The following ADORA2B variants were observed in gnomAD, a reference collection of about 807,000 sequenced individuals.
ADORA2B encodes the protein adenosine A2b receptor.
ADORA2B carries 18 observed loss-of-function variants against 20.8 expected under a neutral mutation model. That is an observed-to-expected ratio of 0.87 (90% CI 0.60 to 1.29). The LOEUF (loss-of-function observed/expected upper bound fraction) is 1.29. Among genes scored for constraint, ADORA2B ranks in the 50% most tolerant of loss-of-function variants. The pLI, the probability that ADORA2B is intolerant of heterozygous loss-of-function variation, is 0.00. For missense variants in ADORA2B, 441 were observed against 422.7 expected (o/e 1.04, Z -0.38); for synonymous variants, 179 against 178.3 (o/e 1.00, Z -0.03).
chr17:15,862,913 C>T, the ADORA2B span, among the ~76,000 whole-genome samples: 2 of 150,862 alleles, frequency 1.3e-5, no homozygotes, highest in Admixed American at 6.6e-5. Context: ...CTTTTTAATA[C>T]ATATTATCAT....
At chr17:15,961,251 G>A (rs1310692017) in intron 1 of ADORA2B, among the ~76,000 whole-genome samples, 2 of 151,528 alleles carry the variant, frequency 1.3e-5, no homozygotes, top group African/African-American at 4.9e-5. Context: ...ACTTCAGCCT[G>A]GGCAACAGAG....
the ADORA2B span, among the ~76,000 whole-genome samples, chr17:15,896,176 T>C: frequency 3.9e-5 from 6 of 152,176 alleles, no homozygotes; most frequent in African/African-American, 1.4e-4. Flanking sequence ...GGGCTTATAG[T>C]ACACAATAGC....
chr17:15,856,417 C>T, the ADORA2B span, among the ~76,000 whole-genome samples: 67 of 152,166 alleles, frequency 4.4e-4, no homozygotes, highest in African/African-American at 9.2e-4. Context: ...TCTTTATAGC[C>T]GCGTGAAAAC....
chr17:15,960,199 T>A (rs1489850955), intron 1 of ADORA2B, among the ~76,000 whole-genome samples: 1 of 151,984 alleles, frequency 6.6e-6, no homozygotes, highest in Non-Finnish European at 1.5e-5. Flanking sequence ...GCCCAGGAGT[T>A]CAAGGTTACA....
the ADORA2B span, among the ~76,000 whole-genome samples, chr17:15,870,691 C>T: frequency 6.6e-6 from 1 of 152,178 alleles, no homozygotes; most frequent in African/African-American, 2.4e-5. Context: ...CACAGACAAG[C>T]ACTAAAATCT....
rs750229596 is a variant in ADORA2B at position 15,975,354 on chromosome 17, GC to G, written c.*14del. The G allele has an allele frequency of 1.3e-6, 2 of 1,599,952 alleles. No individual in the cohort carries two copies. The highest frequency in any genetic ancestry group is 3.4e-5 in the Admixed American group (2 of 58,266). ...GTGTGGGCCTATGATCTAGGCTCTC[GC>G]CTCTTCCAGGAGAAGATACAAATCC... On this transcript the variant is annotated 3_prime_UTR_variant, in exon 2 of 2. Coordinates refer to ENST00000304222, the MANE Select transcript of ADORA2B (RefSeq NM_000676.4).
At chr17:15,964,979 G>C (rs1207174789) in intron 1 of ADORA2B, among the ~76,000 whole-genome samples, 2 of 152,290 alleles carry the variant, frequency 1.3e-5, no homozygotes, top group East Asian at 3.9e-4. Flanking sequence ...AGAATGGCGT[G>C]AACCCGGGAG....
rs1597846806 is a variant in ADORA2B, at chr17:15,949,429, C to A, written c.335+3846C>A. On this transcript the variant is annotated intron_variant, in intron 1 of 1. Transcript: ENST00000304222. Reference sequence around the variant, plus strand: ...TCGGGAGGCTGAGGCAGGAGAATTGCTTGAACCCAAGAGACAGAGGTTGCC... The same window carrying A: ...TCGGGAGGCTGAGGCAGGAGAATTGATTGAACCCAAGAGACAGAGGTTGCC... Among the ~76,000 whole-genome samples the A allele has an allele frequency of 2.6e-5, 4 of 152,130 alleles. No homozygotes were observed. The East Asian group carries it at 7.7e-4, about 29-fold the overall frequency.
intron 1 of ADORA2B, among the ~76,000 whole-genome samples, chr17:15,965,496 G>A (rs1189645992): frequency 6.6e-6 from 1 of 152,230 alleles, no homozygotes; most frequent in Non-Finnish European, 1.5e-5. Flanking sequence ...GGGCAGATAA[G>A]CTGCTCTGCT....
At chr17:15,867,073 G>T in the ADORA2B span, among the ~76,000 whole-genome samples, 1 of 152,206 alleles carries the variant, frequency 6.6e-6, no homozygotes, top group Non-Finnish European at 1.5e-5. Flanking sequence ...AGACGGAGTC[G>T]CGTTCACTCA....
At chr17:15,897,770 G>C in the ADORA2B span, among the ~76,000 whole-genome samples, 49,953 of 151,988 alleles carry the variant, frequency 0.33, 8,907 homozygotes, top group African/African-American at 0.46. Flanking sequence ...TGATAACCCT[G>C]AGAGGATGTG....
At position 15,974,782 on chromosome 17, in the gene ADORA2B, A is replaced by AAAG; in HGVS notation, c.441_443dup (p.Lys147_Asp148insGlu). 2 of 1,613,778 alleles carry AAAG rather than the reference A, an allele frequency of 1.2e-6. No individual in the cohort carries two copies. Among genetic ancestry groups the AAAG allele is most frequent in the Non-Finnish European group, 1.7e-6 (2 of 1,179,950 alleles). On this transcript the variant is annotated inframe_insertion, in exon 2 of 2. Transcript: ENST00000304222. ...GACTCCATTCCTGGGGTGGAACAGT[A>AAAG]AAGACAGTGCCACCAACAACTGCAC...
chr17:15,971,870 T>C (rs1387967094), intron 1 of ADORA2B, among the ~76,000 whole-genome samples: 3 of 152,094 alleles, frequency 2.0e-5, no homozygotes, highest in Non-Finnish European at 4.4e-5. Context: ...TGACCTCAAG[T>C]GATCCGCCTG....
At chr17:15,929,592 T>C in the ADORA2B span, among the ~76,000 whole-genome samples, 2 of 152,198 alleles carry the variant, frequency 1.3e-5, no homozygotes, top group African/African-American at 2.4e-5. Context: ...CTCTGAACAA[T>C]AGCAGAAAGG....
intron 1 of ADORA2B, among the ~76,000 whole-genome samples, chr17:15,964,632 A>AG (rs1460364347): frequency 2.0e-5 from 3 of 150,774 alleles, no homozygotes; most frequent in African/African-American, 7.4e-5. Flanking sequence ...AAAAAAAAAA[A>AG]GAAAAGATGA....
At chr17:15,860,263 C>A in the ADORA2B span, among the ~76,000 whole-genome samples, 1 of 152,134 alleles carries the variant, frequency 6.6e-6, no homozygotes, top group Non-Finnish European at 1.5e-5. Flanking sequence ...ACGAATAAAC[C>A]CCTTCCTTCT....
the ADORA2B span, among the ~76,000 whole-genome samples, chr17:15,893,582 ATCTC>A: frequency 1.3e-5 from 2 of 151,452 alleles, no homozygotes; most frequent in Non-Finnish European, 2.9e-5. Context: ...CCCTGCTGGA[ATCTC>A]ACCTTCGTGT....
chr17:15,970,194 T>C (rs185701584), intron 1 of ADORA2B, among the ~76,000 whole-genome samples: 12 of 152,358 alleles, frequency 7.9e-5, no homozygotes, highest in Admixed American at 7.2e-4. Context: ...GTGTTTCCAG[T>C]GCCTAGCAGA....
At chr17:15,928,517 G>T in the ADORA2B span, among the ~76,000 whole-genome samples, 1 of 152,134 alleles carries the variant, frequency 6.6e-6, no homozygotes, top group Admixed American at 6.6e-5. Context: ...AGCCGGTGCA[G>T]CTGTACAAGG....
Sources: gnomAD v4.1 joint callset for allele counts (sites outside exome capture counted in the v4.1 genomes callset) on GRCh38, gnomAD v4.1.1 for gene constraint, MANE v1.5 for transcripts, NCBI Gene and HGNC (gene_info 2026-07-23, HGNC 2026-07-21) for gene names.